The following CHST11 variants were observed in gnomAD, a reference collection of about 807,000 sequenced individuals.
The protein encoded by CHST11 is C4S-1.
A neutral mutation model predicts 30.4 loss-of-function variants in CHST11; 9 were observed. The ratio of observed to expected loss-of-function variants is 0.30; its 90% CI spans 0.18 to 0.52. The LOEUF (loss-of-function observed/expected upper bound fraction) is 0.52. CHST11 is among the 20% of genes least tolerant of loss of function. The pLI is 0.97. For synonymous variants in CHST11, 152 were observed against 187.8 expected (o/e 0.81, Z 1.56); for missense variants, 348 against 460.6 (o/e 0.76, Z 2.24).
chr12:104,485,944 G>C (rs775385506), intron 1 of CHST11, among the ~76,000 whole-genome samples: 1 of 152,222 alleles, frequency 6.6e-6, no homozygotes, highest in East Asian at 1.9e-4. Context: ...TGCACGGCCT[G>C]CTTGGTTAAA....
intron 1 of CHST11, among the ~76,000 whole-genome samples, chr12:104,474,755 G>A (rs2037541766): frequency 1.3e-5 from 2 of 152,100 alleles, no homozygotes; most frequent in Admixed American, 6.5e-5. Flanking sequence ...TGGGCATTGG[G>A]TGGGGCATCA....
intron 2 of CHST11, among the ~76,000 whole-genome samples, chr12:104,608,084 C>G (rs561183921): frequency 4.1e-4 from 63 of 152,218 alleles, no homozygotes; most frequent in Non-Finnish European, 7.4e-4. Context: ...TTTTATTGGT[C>G]TGGGTTAGGG....
At chr12:104,701,238 C>T (rs1268580863) in intron 2 of CHST11, among the ~76,000 whole-genome samples, 1 of 152,284 alleles carries the variant, frequency 6.6e-6, no homozygotes, top group Non-Finnish European at 1.5e-5. Context: ...CCATGTCTTT[C>T]TGCCCAGAAT....
intron 1 of CHST11, among the ~76,000 whole-genome samples, chr12:104,526,045 G>A (rs1032028562): frequency 1.3e-4 from 20 of 151,968 alleles, no homozygotes; most frequent in Admixed American, 2.6e-4. Flanking sequence ...TTCGGCAGAC[G>A]ACCCCACTTA....
intron 2 of CHST11, among the ~76,000 whole-genome samples, chr12:104,623,105 CA>C (rs2039175977): frequency 6.6e-6 from 1 of 152,164 alleles, no homozygotes; most frequent in Non-Finnish European, 1.5e-5. Flanking sequence ...TGAAAGCAGC[CA>C]AGACAATATG....
intron 2 of CHST11, among the ~76,000 whole-genome samples, chr12:104,655,449 G>A (rs769969891): frequency 9.2e-5 from 14 of 152,288 alleles, no homozygotes; most frequent in Non-Finnish European, 1.8e-4. Flanking sequence ...CCTGGATCCC[G>A]GGGTTTCTCA....
intron 2 of CHST11, among the ~76,000 whole-genome samples, chr12:104,698,171 C>A (rs1378604309): frequency 2.0e-5 from 3 of 152,172 alleles, no homozygotes. Flanking sequence ...GTAACTGTTG[C>A]TATGGCCTCT....
At position 104,725,449 on chromosome 12, in the gene CHST11, C is replaced by T. The variant is rs79530548; in HGVS notation, c.205-31500C>T. On this transcript the variant is annotated intron_variant, in intron 2 of 2. Transcript: ENST00000303694. Reference sequence around the variant, plus strand: ...GTCTCAGTTTTCCCAGCTCTAAATTCAATTACACAGTTCTCAGGTTCCTTT... The same window carrying T: ...GTCTCAGTTTTCCCAGCTCTAAATTTAATTACACAGTTCTCAGGTTCCTTT... Among the ~76,000 whole-genome samples the T allele has an allele frequency of 9.3e-3, 1,420 of 152,076 alleles. 19 individuals carry two copies. The highest frequency in any genetic ancestry group is 0.033 in the African/African-American group (1,364 of 41,466).
At chr12:104,524,349 A>G (rs551107887) in intron 1 of CHST11, among the ~76,000 whole-genome samples, 1 of 152,260 alleles carries the variant, frequency 6.6e-6, no homozygotes, top group East Asian at 1.9e-4. Context: ...AGTGGCCTGC[A>G]TTTGACCCTT....
At chr12:104,514,447 T>G (rs1033050017) in intron 1 of CHST11, 27 of 839,524 alleles carry the variant, frequency 3.2e-5, no homozygotes, top group African/African-American at 2.7e-4. Flanking sequence ...TGAGACTCTG[T>G]GGGGGTCACC....
In CHST11 at chr12:104,534,360, A is replaced by G. The variant is rs1174417227; in HGVS notation, c.119-67546A>G. Among the ~76,000 whole-genome samples the G allele has an allele frequency of 2.0e-5, 3 of 152,156 alleles. No homozygotes were observed. In the East Asian group the frequency reaches 5.8e-4, roughly 29 times the overall value. The stretch of plus-strand genomic sequence containing the variant: ...TGAAACCGTCTGTGGTTTCTCTAGC[A>G]ATTCTCACGACTTAGCCTCTTCCTC... On this transcript the variant is annotated intron_variant, in intron 1 of 2. Transcript: ENST00000303694.
chr12:104,595,577 C>T lies in CHST11; in HGVS notation c.119-6329C>T, dbSNP rs73189303. Among the ~76,000 whole-genome samples, 934 of 152,264 alleles carry T rather than the reference C, an allele frequency of 6.1e-3. 6 individuals carry two copies. The highest frequency in any genetic ancestry group is 9.2e-3 in the Non-Finnish European group (628 of 68,012). ...CACCTGGTTGAACCTCTTCACCTGA[C>T]GAAGGAGAAAACGAGGCCCAGGGAG... On this transcript the variant is annotated intron_variant, in intron 1 of 2. Coordinates refer to ENST00000303694, the MANE Select transcript of CHST11 (RefSeq NM_018413.6).
intron 1 of CHST11, among the ~76,000 whole-genome samples, chr12:104,500,387 A>T (rs1379074661): frequency 6.6e-6 from 1 of 152,230 alleles, no homozygotes; most frequent in East Asian, 1.9e-4. Flanking sequence ...AGAATTTTAA[A>T]TGATTTGTTT....
chr12:104,668,390 G>A (rs1425066624), intron 2 of CHST11, among the ~76,000 whole-genome samples: 2 of 152,094 alleles, frequency 1.3e-5, no homozygotes, highest in South Asian at 4.1e-4. Flanking sequence ...CTAAGGTCAC[G>A]GGTGTTAAAC....
chr12:104,478,215 G>C (rs747849964), intron 1 of CHST11, among the ~76,000 whole-genome samples: 22 of 152,250 alleles, frequency 1.4e-4, no homozygotes, highest in Middle Eastern at 6.8e-3. Flanking sequence ...GGCAGATGGA[G>C]CTTCCTGTGT....
At chr12:104,688,553 ATAAAT>A (rs2039869290) in intron 2 of CHST11, among the ~76,000 whole-genome samples, 1 of 152,254 alleles carries the variant, frequency 6.6e-6, no homozygotes. Context: ...TGCTAGAAAC[ATAAAT>A]TAATGTTAAA....
chr12:104,580,871 C>T (rs776110562), intron 1 of CHST11, among the ~76,000 whole-genome samples: 1 of 152,222 alleles, frequency 6.6e-6, no homozygotes, highest in Non-Finnish European at 1.5e-5. Flanking sequence ...GGATTAAAAG[C>T]ATGAGCCACT....
intron 2 of CHST11, among the ~76,000 whole-genome samples, chr12:104,607,129 C>A (rs2039013366): frequency 6.6e-6 from 1 of 151,686 alleles, no homozygotes. Flanking sequence ...CTTAGTGAAC[C>A]TGATAGATAG....
chr12:104,675,779 A>C (rs1201496275), intron 2 of CHST11, among the ~76,000 whole-genome samples: 1 of 152,236 alleles, frequency 6.6e-6, no homozygotes, highest in African/African-American at 2.4e-5. Context: ...GATGATACAT[A>C]CATGCAAAAA....
Sources: gnomAD v4.1 joint callset for allele counts (sites outside exome capture counted in the v4.1 genomes callset) on GRCh38, gnomAD v4.1.1 for gene constraint, MANE v1.5 for transcripts, NCBI Gene and HGNC (gene_info 2026-07-23, HGNC 2026-07-21) for gene names.